The following TANGO6 variants were observed in gnomAD, a reference collection of about 807,000 sequenced individuals.
The protein encoded by TANGO6 is transport and Golgi organization protein 6 homolog.
A neutral mutation model predicts 114.2 loss-of-function variants in TANGO6; 90 were observed. The observed-to-expected ratio is 0.79, with a 90% CI of 0.66 to 0.94. TANGO6 has a LOEUF of 0.94. TANGO6 is among the 40% of genes least tolerant of loss of function. TANGO6 has a pLI of 0.00. For synonymous variants in TANGO6, 477 were observed against 509.8 expected (o/e 0.94, Z 0.87); for missense variants, 1,274 against 1,315.3 (o/e 0.97, Z 0.49).
At chr16:68,915,024 C>T (rs1279599364) in intron 11 of TANGO6, among the ~76,000 whole-genome samples, 1 of 150,572 alleles carries the variant, frequency 6.6e-6, no homozygotes, top group Non-Finnish European at 1.5e-5. Flanking sequence ...AGGATGGGCG[C>T]AGTGGCTTAT....
intron 7 of TANGO6, among the ~76,000 whole-genome samples, chr16:68,884,514 G>A (rs531146765): frequency 4.6e-5 from 7 of 152,190 alleles, no homozygotes; most frequent in East Asian, 3.9e-4. Context: ...CTAAATTAGC[G>A]AACAGTGGCC....
chr16:68,956,746 G>A (rs1812545), intron 14 of TANGO6, among the ~76,000 whole-genome samples: 13,194 of 152,052 alleles, frequency 0.087, 662 homozygotes, highest in African/African-American at 0.13. Context: ...CCAGCCACTC[G>A]AGAGGCTGAG....
intron 14 of TANGO6, among the ~76,000 whole-genome samples, chr16:68,951,508 G>T (rs1264479131): frequency 6.6e-6 from 1 of 152,064 alleles, no homozygotes; most frequent in Non-Finnish European, 1.5e-5. Context: ...ATGTAATAGA[G>T]GCTGGATTCA....
intron 15 of TANGO6, among the ~76,000 whole-genome samples, chr16:68,988,598 G>GA (rs1426618572): frequency 1.3e-5 from 2 of 150,904 alleles, no homozygotes; most frequent in African/African-American, 4.9e-5. Context: ...GAATGTTAAT[G>GA]ATCTTAGCTT....
At chr16:68,950,803 G>T (rs1447248752) in intron 14 of TANGO6, among the ~76,000 whole-genome samples, 1 of 152,044 alleles carries the variant, frequency 6.6e-6, no homozygotes, top group African/African-American at 2.4e-5. Context: ...AGGTTGCAGT[G>T]AGCTGATGTG....
At chr16:68,907,841 G>A (rs1014821657) in intron 10 of TANGO6, among the ~76,000 whole-genome samples, 4 of 152,046 alleles carry the variant, frequency 2.6e-5, no homozygotes, top group African/African-American at 4.8e-5. Context: ...CAAAACCCTC[G>A]ATCCATGAAA....
rs149789693 is a variant in TANGO6, at chr16:68,968,354, G to A, written c.2702-5674G>A. Among the ~76,000 whole-genome samples the A allele has an allele frequency of 2.0e-3, 303 of 150,036 alleles. 6 individuals carry two copies. Among genetic ancestry groups the A allele is most frequent in the Admixed American group, 0.015 (223 of 15,018 alleles). On this transcript the variant is annotated intron_variant, in intron 14 of 17. Transcript: ENST00000261778. The stretch of plus-strand genomic sequence containing the variant: ...GCTGGGATTACAGATGTCAGCTACC[G>A]CACCTGGCCTTTTTTTTTTTTTTGG...
At chr16:69,042,268 C>T (rs771504048) in intron 17 of TANGO6, among the ~76,000 whole-genome samples, 34 of 152,098 alleles carry the variant, frequency 2.2e-4, no homozygotes, top group Non-Finnish European at 1.5e-4. Flanking sequence ...CTTCTGTAGC[C>T]GGGCGGGGTG....
Position 68,927,815 on chromosome 16 carries a change from A to T in TANGO6, c.2375A>T (p.His792Leu). ...CATGAAAGACCCACTGATGTAGCTCATAGCCACCTTGAACAACAGCAGAGC... is the reference window on the plus strand; with the variant it reads ...CATGAAAGACCCACTGATGTAGCTCTTAGCCACCTTGAACAACAGCAGAGC... ...TSHERPTDVA[H>L]SHLEQQQSHE... The change falls in exon 13 of 18, where the codon CAT becomes CTT. Residue 792 changes from histidine (H) to leucine (L), a missense_variant. Transcript: ENST00000261778. The T allele has an allele frequency of 6.2e-7, 1 of 1,613,724 alleles. No homozygotes were observed. Among genetic ancestry groups the T allele is most frequent in the Non-Finnish European group, 8.5e-7 (1 of 1,179,610 alleles).
chr16:69,045,181 G>A (rs370417733), intron 17 of TANGO6, among the ~76,000 whole-genome samples: 16 of 150,078 alleles, frequency 1.1e-4, no homozygotes, highest in Non-Finnish European at 2.1e-4. Flanking sequence ...AAAGCTGGGC[G>A]CGGCGACTCA....
intron 14 of TANGO6, chr16:68,973,149 A>G (rs1394960913): frequency 1.8e-5 from 8 of 456,048 alleles, no homozygotes; most frequent in South Asian, 1.1e-4. Flanking sequence ...AAAAGGTAGA[A>G]GCAGGGAGAC....
rs138324814 is a variant in TANGO6, at chr16:68,895,495, T to C, written c.1378-4939T>C. On this transcript the variant is annotated intron_variant, in intron 7 of 17. Coordinates refer to ENST00000261778, the MANE Select transcript of TANGO6 (RefSeq NM_024562.2). Reference sequence around the variant, plus strand: ...TCTGATAGGTGCTGAAGAAGGGAGCTTGACTTTTGCCTTCCAGGCTAGTTC... The same window carrying C: ...TCTGATAGGTGCTGAAGAAGGGAGCCTGACTTTTGCCTTCCAGGCTAGTTC... Among the ~76,000 whole-genome samples, 29 of 152,366 alleles carry C rather than the reference T, an allele frequency of 1.9e-4. 1 individual carries two copies. In the East Asian group the frequency reaches 3.9e-3, roughly 20 times the overall value.
chr16:68,954,676 A>G (rs1431115845), intron 14 of TANGO6, among the ~76,000 whole-genome samples: 1 of 152,214 alleles, frequency 6.6e-6, no homozygotes, highest in Non-Finnish European at 1.5e-5. Flanking sequence ...ATAAAATGCA[A>G]TGAGAATGTT....
chr16:68,929,928 C>A (rs778900577), intron 13 of TANGO6, among the ~76,000 whole-genome samples: 1 of 152,208 alleles, frequency 6.6e-6, no homozygotes, highest in African/African-American at 2.4e-5. Flanking sequence ...CGTAGTCTGT[C>A]ATGCCATATG....
rs1353157938 is a variant in TANGO6, at chr16:69,084,826, T to C, written c.*1165T>C. On this transcript the variant is annotated 3_prime_UTR_variant, in exon 18 of 18. Transcript: ENST00000261778. ...GAACCAAAACGCAGTTTCCAAAAGC[T>C]CGAGTGACTGAAGGATCTATACACA... The C allele has an allele frequency of 6.6e-6, 1 of 152,274 alleles. No individual in the cohort carries two copies. Among genetic ancestry groups the C allele is most frequent in the East Asian group, 1.9e-4 (1 of 5,334 alleles). 9.4% of individuals were successfully genotyped at this position (152,274 alleles called of 1,614,324 possible).
intron 17 of TANGO6, among the ~76,000 whole-genome samples, chr16:69,082,268 A>G (rs1960476301): frequency 6.6e-6 from 1 of 151,970 alleles, no homozygotes; most frequent in South Asian, 2.1e-4. Context: ...TACAAATGGC[A>G]AATTTTTGTA....
chr16:69,075,174 CTTT>C (rs59445014), intron 17 of TANGO6, among the ~76,000 whole-genome samples: 14 of 134,824 alleles, frequency 1.0e-4, no homozygotes, highest in Admixed American at 1.5e-4. Context: ...CCAAAGTCTG[CTTT>C]TTTTTTTTTT....
intron 15 of TANGO6, among the ~76,000 whole-genome samples, chr16:68,988,019 G>A (rs1057399023): frequency 6.6e-6 from 1 of 152,082 alleles, no homozygotes; most frequent in Non-Finnish European, 1.5e-5. Flanking sequence ...TTATTACTGA[G>A]TTGCGAGGGT....
chr16:69,082,437 G>A (rs934610167), intron 17 of TANGO6, among the ~76,000 whole-genome samples: 1 of 151,974 alleles, frequency 6.6e-6, no homozygotes, highest in African/African-American at 2.4e-5. Flanking sequence ...GCAAGGAAAG[G>A]TATGACTGCT....
Sources: gnomAD v4.1 joint callset for allele counts (sites outside exome capture counted in the v4.1 genomes callset) on GRCh38, gnomAD v4.1.1 for gene constraint, MANE v1.5 for transcripts, NCBI Gene and HGNC (gene_info 2026-07-23, HGNC 2026-07-21) for gene names.